PTPRD: variants seen among roughly 807,000 people sequenced by gnomAD.
PTPRD encodes the protein receptor-type tyrosine-protein phosphatase delta.
Under a neutral mutation model 214.5 loss-of-function variants are expected in PTPRD, and 34 were observed. The observed-to-expected ratio is 0.16, with a 90% CI of 0.12 to 0.21. The LOEUF (loss-of-function observed/expected upper bound fraction) is 0.21. Ranked by LOEUF, PTPRD falls within the 10% of genes least tolerant of loss-of-function variation. PTPRD has a pLI of 1.00. For synonymous variants in PTPRD, 1,128 were observed against 845.7 expected (o/e 1.33, Z -5.79); for missense variants, 2,545 against 2,398.7 (o/e 1.06, Z -1.27).
intron 10 of PTPRD, among the ~76,000 whole-genome samples, chr9:9,178,106 G>A (rs1429740407): frequency 6.6e-6 from 1 of 152,024 alleles, no homozygotes; most frequent in Admixed American, 6.6e-5. Context: ...ATCAATATAA[G>A]GAAGACTTTT....
intron 3 of PTPRD, among the ~76,000 whole-genome samples, chr9:10,088,696 C>T (rs2098389914): frequency 6.6e-6 from 1 of 151,658 alleles, no homozygotes; most frequent in Admixed American, 6.6e-5. Context: ...TTTTAGTTTC[C>T]TTGTTTATAA....
intron 4 of PTPRD, among the ~76,000 whole-genome samples, chr9:9,995,842 C>T (rs146680355): frequency 2.6e-5 from 4 of 152,032 alleles, no homozygotes; most frequent in Non-Finnish European, 5.9e-5. Flanking sequence ...CTCTGTAAAC[C>T]CACAATTCAA....
At chr9:9,054,909 A>G (rs1416318034) in intron 10 of PTPRD, among the ~76,000 whole-genome samples, 3 of 152,154 alleles carry the variant, frequency 2.0e-5, no homozygotes. Flanking sequence ...ATGTCCTGAG[A>G]GAGCTAATCC....
chr9:9,052,592 C>G (rs950507619), intron 10 of PTPRD, among the ~76,000 whole-genome samples: 1 of 152,136 alleles, frequency 6.6e-6, no homozygotes, highest in African/African-American at 2.4e-5. Flanking sequence ...GTAAGTCATA[C>G]AGTTAAGAGA....
At chr9:9,561,733 T>A (rs2083006775) in intron 8 of PTPRD, among the ~76,000 whole-genome samples, 1 of 152,230 alleles carries the variant, frequency 6.6e-6, no homozygotes, top group Non-Finnish European at 1.5e-5. Flanking sequence ...TCTGTTTCTC[T>A]TCAGAGGTGA....
chr9:9,139,699 T>C (rs1003652169), intron 10 of PTPRD, among the ~76,000 whole-genome samples: 3 of 152,150 alleles, frequency 2.0e-5, no homozygotes, highest in Admixed American at 2.0e-4. Flanking sequence ...TTAAAACTTA[T>C]GCATTGTCTA....
chr9:8,343,906 A>T (rs2132662204), intron 39 of PTPRD, among the ~76,000 whole-genome samples: 1 of 152,212 alleles, frequency 6.6e-6, no homozygotes, highest in Middle Eastern at 3.4e-3. Context: ...AGACCATGCA[A>T]AATCCTACAT....
chr9:9,930,029 A>C (rs1325941834), intron 5 of PTPRD, among the ~76,000 whole-genome samples: 1 of 152,184 alleles, frequency 6.6e-6, no homozygotes, highest in African/African-American at 2.4e-5. Flanking sequence ...GTAGGAAACA[A>C]AACAAAACAA....
intron 9 of PTPRD, among the ~76,000 whole-genome samples, chr9:9,261,726 T>C (rs2099980204): frequency 6.6e-6 from 1 of 151,306 alleles, no homozygotes; most frequent in East Asian, 2.0e-4. Flanking sequence ...AAATAATAAA[T>C]CAATTTTGAA....
intron 9 of PTPRD, among the ~76,000 whole-genome samples, chr9:9,377,335 T>G (rs2061058042): frequency 6.6e-6 from 1 of 152,140 alleles, no homozygotes; most frequent in South Asian, 2.1e-4. Flanking sequence ...TGGTATAGAA[T>G]GCCACAAATA....
intron 5 of PTPRD, among the ~76,000 whole-genome samples, chr9:9,831,323 G>T (rs749705001): frequency 5.9e-5 from 9 of 151,914 alleles, no homozygotes; most frequent in Non-Finnish European, 1.3e-4. Context: ...TCAGGCTGAG[G>T]TAACCAAAAT....
chr9:8,325,683 C>T (rs113759171), intron 44 of PTPRD, among the ~76,000 whole-genome samples: 1 of 151,894 alleles, frequency 6.6e-6, no homozygotes, highest in Non-Finnish European at 1.5e-5. Context: ...GCAGTATGGC[C>T]ATTTTCACGA....
intron 9 of PTPRD, among the ~76,000 whole-genome samples, chr9:9,215,524 G>C (rs542954700): frequency 1.3e-5 from 2 of 152,146 alleles, no homozygotes; most frequent in Non-Finnish European, 2.9e-5. Flanking sequence ...TAAGCAGAAT[G>C]GGGGGAGAAA....
chr9:10,094,014 T>G (rs1477329023), intron 3 of PTPRD, among the ~76,000 whole-genome samples: 1 of 151,268 alleles, frequency 6.6e-6, no homozygotes, highest in Non-Finnish European at 1.5e-5. Context: ...GATAGGATCA[T>G]CTGTACCCCA....
intron 8 of PTPRD, among the ~76,000 whole-genome samples, chr9:9,500,009 A>T (rs2096353214): frequency 6.6e-6 from 1 of 152,138 alleles, no homozygotes; most frequent in South Asian, 2.1e-4. Flanking sequence ...CCCCTTGAAT[A>T]TTAATTCTTA....
At chr9:9,718,974 G>A (rs1468106016) in intron 7 of PTPRD, among the ~76,000 whole-genome samples, 1 of 152,172 alleles carries the variant, frequency 6.6e-6, no homozygotes, top group Non-Finnish European at 1.5e-5. Flanking sequence ...CCACCTTCAA[G>A]CCAGGGATGA....
intron 31 of PTPRD, among the ~76,000 whole-genome samples, chr9:8,470,575 G>A (rs538133962): frequency 6.6e-6 from 1 of 152,138 alleles, no homozygotes; most frequent in African/African-American, 2.4e-5. Context: ...CCATATCGTA[G>A]GTCAAATGAA....
At chr9:10,569,505 GTCTC>G (rs141331871) in intron 2 of PTPRD, among the ~76,000 whole-genome samples, 133 of 143,166 alleles carry the variant, frequency 9.3e-4, no homozygotes, top group South Asian at 8.3e-3. Context: ...GTATATGCAT[GTCTC>G]TCTCTCTCTC....
intron 3 of PTPRD, among the ~76,000 whole-genome samples, chr9:10,083,166 A>G (rs1036748): frequency 0.036 from 5,420 of 152,012 alleles, 169 homozygotes; most frequent in Admixed American, 0.093. Flanking sequence ...TGACCCTCTT[A>G]GTCCCCAGAA....
Sources: gnomAD v4.1 joint callset for allele counts (sites outside exome capture counted in the v4.1 genomes callset) on GRCh38, gnomAD v4.1.1 for gene constraint, MANE v1.5 for transcripts, NCBI Gene and HGNC (gene_info 2026-07-23, HGNC 2026-07-21) for gene names.